The following SLC9A9 variants were observed in gnomAD, a reference collection of about 807,000 sequenced individuals.
SLC9A9 encodes the protein sodium/hydrogen exchanger 9.
In SLC9A9, 62 loss-of-function variants were observed where a neutral mutation model predicts 77.8. The observed-to-expected ratio is 0.80, with a 90% CI of 0.65 to 0.98. The LOEUF is 0.98. SLC9A9 is among the 50% of genes least tolerant of loss of function. The probability of loss-of-function intolerance (pLI) is 0.00; values close to 1 mark genes in which losing one functional copy is unlikely to be tolerated. For missense variants in SLC9A9, 775 were observed against 774.9 expected (o/e 1.00, Z 0.00); for synonymous variants, 320 against 283.5 (o/e 1.13, Z -1.29).
At chr3:143,395,885 A>C (rs904288925) in intron 12 of SLC9A9, among the ~76,000 whole-genome samples, 2 of 152,258 alleles carry the variant, frequency 1.3e-5, no homozygotes, top group Non-Finnish European at 2.9e-5. Flanking sequence ...AATGCAAATC[A>C]AAACCACAAT....
At chr3:143,348,076 C>T (rs73144722) in intron 14 of SLC9A9, among the ~76,000 whole-genome samples, 20,015 of 150,070 alleles carry the variant, frequency 0.13, 1,418 homozygotes, top group East Asian at 0.17. Flanking sequence ...TGCAGTGGTA[C>T]GATCTCCGCT....
chr3:143,768,369 G>T (rs1259428356), intron 4 of SLC9A9, among the ~76,000 whole-genome samples: 2 of 152,118 alleles, frequency 1.3e-5, no homozygotes, highest in Non-Finnish European at 2.9e-5. Context: ...AACCTACCCT[G>T]TATTTTATGC....
chr3:143,534,560 A>G (rs1247141386), intron 9 of SLC9A9, among the ~76,000 whole-genome samples: 1 of 152,210 alleles, frequency 6.6e-6, no homozygotes, highest in African/African-American at 2.4e-5. Context: ...TTTAGCAGGC[A>G]GACCACTGGC....
chr3:143,802,124 C>A (rs1004015836), intron 2 of SLC9A9, among the ~76,000 whole-genome samples: 12 of 152,158 alleles, frequency 7.9e-5, no homozygotes, highest in African/African-American at 2.9e-4. Context: ...TCACTTCCAC[C>A]TACTCCCCCA....
chr3:143,668,251 T>G lies in SLC9A9; in HGVS notation c.650-15891A>C, dbSNP rs1021641416. Among the ~76,000 whole-genome samples the G allele has an allele frequency of 3.4e-5, 5 of 146,974 alleles. No homozygotes were observed. In the Admixed American group the frequency reaches 3.5e-4, roughly 10 times the overall value. On this transcript the variant is annotated intron_variant, in intron 5 of 15. Coordinates refer to ENST00000316549, the MANE Select transcript of SLC9A9 (RefSeq NM_173653.4). ...CAAGGACAGAAAACCAAACACCGCA[T>G]GCTCTCACTCGTAGGTGGGAACTAA...
chr3:143,474,719 G>C (rs916430032), intron 11 of SLC9A9, among the ~76,000 whole-genome samples: 10 of 151,944 alleles, frequency 6.6e-5, no homozygotes, highest in Non-Finnish European at 1.5e-4. Context: ...GGAGTTCAGG[G>C]GAAAGGTTAG....
chr3:143,573,173 T>C (rs978390202), intron 8 of SLC9A9, among the ~76,000 whole-genome samples: 1 of 152,168 alleles, frequency 6.6e-6, no homozygotes, highest in African/African-American at 2.4e-5. Flanking sequence ...ATATGTCAAC[T>C]TTTATTATTA....
intron 5 of SLC9A9, among the ~76,000 whole-genome samples, chr3:143,668,290 T>G (rs989383715): frequency 7.4e-6 from 1 of 134,658 alleles, no homozygotes; most frequent in African/African-American, 2.8e-5. Flanking sequence ...ATGAGAACAC[T>G]TGGACACAGG....
chr3:143,802,373 G>C (rs2008587107), intron 2 of SLC9A9, among the ~76,000 whole-genome samples: 1 of 152,062 alleles, frequency 6.6e-6, no homozygotes, highest in African/African-American at 2.4e-5. Flanking sequence ...CTACCCCTCA[G>C]GGATTGTTCA....
chr3:143,365,065 G>C (rs1194895244), intron 13 of SLC9A9, among the ~76,000 whole-genome samples: 1 of 152,170 alleles, frequency 6.6e-6, no homozygotes, highest in Non-Finnish European at 1.5e-5. Flanking sequence ...AGAAAATGTG[G>C]TACATATATA....
chr3:143,289,522 T>G (rs1003932357), intron 14 of SLC9A9, among the ~76,000 whole-genome samples: 2 of 152,134 alleles, frequency 1.3e-5, no homozygotes, highest in Admixed American at 1.3e-4. Context: ...TCATGCCCCC[T>G]GTCTCATTGA....
intron 5 of SLC9A9, among the ~76,000 whole-genome samples, chr3:143,689,102 A>G (rs770897208): frequency 7.9e-5 from 12 of 151,850 alleles, no homozygotes; most frequent in Non-Finnish European, 1.3e-4. Context: ...CCAAGTTTTT[A>G]TTGTCTACTG....
intron 14 of SLC9A9, among the ~76,000 whole-genome samples, chr3:143,323,230 CT>C (rs1455271718): frequency 6.6e-6 from 1 of 152,172 alleles, no homozygotes; most frequent in Non-Finnish European, 1.5e-5. Flanking sequence ...TACTGGGAAT[CT>C]ACCCAAAGTA....
intron 14 of SLC9A9, among the ~76,000 whole-genome samples, chr3:143,310,981 G>A (rs992173709): frequency 1.3e-5 from 2 of 152,142 alleles, no homozygotes; most frequent in South Asian, 2.1e-4. Context: ...GGAAGTAGGC[G>A]CCCAGAAAGG....
chr3:143,492,043 A>G (rs2035755375), intron 11 of SLC9A9, among the ~76,000 whole-genome samples: 1 of 152,140 alleles, frequency 6.6e-6, no homozygotes, highest in Admixed American at 6.5e-5. Flanking sequence ...CTGTAATCCC[A>G]GCACTTTGGG....
chr3:143,666,040 C>A (rs149456641), intron 5 of SLC9A9, among the ~76,000 whole-genome samples: 2,166 of 151,814 alleles, frequency 0.014, 56 homozygotes, highest in African/African-American at 0.049. Flanking sequence ...AAAAAAGAGA[C>A]TTTTAGACCA....
chr3:143,453,392 T>C (rs1021195870), intron 12 of SLC9A9, among the ~76,000 whole-genome samples: 1 of 152,100 alleles, frequency 6.6e-6, no homozygotes, highest in African/African-American at 2.4e-5. Flanking sequence ...CCAGTAAAGA[T>C]AGCTCCCTCC....
intron 14 of SLC9A9, among the ~76,000 whole-genome samples, chr3:143,285,522 TG>T (rs1242108231): frequency 6.6e-6 from 1 of 152,220 alleles, no homozygotes; most frequent in East Asian, 1.9e-4. Context: ...TAGTCTAACA[TG>T]CCCCCTCTTT....
intron 5 of SLC9A9, among the ~76,000 whole-genome samples, chr3:143,673,112 G>A (rs2039185242): frequency 6.6e-6 from 1 of 152,164 alleles, no homozygotes. Context: ...TGACTTGCAA[G>A]TACAGTGTAT....
Sources: gnomAD v4.1 joint callset for allele counts (sites outside exome capture counted in the v4.1 genomes callset) on GRCh38, gnomAD v4.1.1 for gene constraint, MANE v1.5 for transcripts, NCBI Gene and HGNC (gene_info 2026-07-23, HGNC 2026-07-21) for gene names.